The following CACNA1E variants were observed in gnomAD, a reference collection of about 807,000 sequenced individuals.
CACNA1E encodes voltage-dependent R-type calcium channel subunit alpha-1E.
CACNA1E carries 40 observed loss-of-function variants against 259.2 expected under a neutral mutation model. The observed-to-expected ratio is 0.15, with a 90% CI of 0.12 to 0.20. The LOEUF is 0.20. Among genes scored for constraint, CACNA1E ranks in the 10% least tolerant of loss-of-function variants. CACNA1E has a pLI of 1.00. For missense variants in CACNA1E, 1,874 were observed against 3,040.1 expected, an observed-to-expected ratio of 0.62 and a Z score of 9.02; for synonymous variants, 1,104 against 1,138.5, an observed-to-expected ratio of 0.97 and a Z score of 0.61.
At chr1:181,466,177 C>T (rs1006826555) in intron 2 of CACNA1E, among the ~76,000 whole-genome samples, 1 of 152,160 alleles carries the variant, frequency 6.6e-6, no homozygotes, top group Non-Finnish European at 1.5e-5. Context: ...TAGCTTAGCG[C>T]AGAATCTTAG....
intron 6 of CACNA1E, among the ~76,000 whole-genome samples, chr1:181,605,122 T>C (rs563294353): frequency 1.3e-5 from 2 of 152,268 alleles, no homozygotes; most frequent in South Asian, 4.1e-4. Context: ...TTTGAGTGTG[T>C]GCATGCATGC....
In CACNA1E at chr1:181,782,275, G is replaced by A. The variant is rs188047384; in HGVS notation, c.5364+752G>A. Among the ~76,000 whole-genome samples, 418 of 152,346 alleles carry A rather than the reference G, an allele frequency of 2.7e-3. 3 individuals are homozygous for A. Among genetic ancestry groups the A allele is most frequent in the African/African-American group, 9.6e-3 (399 of 41,580 alleles). On this transcript the variant is annotated intron_variant, in intron 39 of 47. Coordinates refer to ENST00000367573, the MANE Select transcript of CACNA1E (RefSeq NM_001205293.3). ...TATGGGGCCTGGCCCCAGAGTTATG[G>A]GTGGATTCCCCTATGGCTTGCTGTT...
At chr1:181,683,840 G>A (rs889565297) in intron 7 of CACNA1E, among the ~76,000 whole-genome samples, 3 of 152,164 alleles carry the variant, frequency 2.0e-5, no homozygotes, top group African/African-American at 7.2e-5. Context: ...GTCCACTGTT[G>A]ATGGGCATCT....
In CACNA1E at chr1:181,798,654, A is replaced by G. The variant is rs752545740; in HGVS notation, c.6762A>G (p.Ala2254=). The G allele has an allele frequency of 6.2e-7, 1 of 1,610,274 alleles. No individual in the cohort carries two copies. Among genetic ancestry groups the G allele is most frequent in the Non-Finnish European group, 8.5e-7 (1 of 1,177,464 alleles). ...CGEEETLTFE[A]AVATSLGRSN... ...AGGAGGAGACGCTCACTTTCGAAGCAGCCGTGGCTACTAGCCTGGGCCGTT... is the reference window on the plus strand; with the variant it reads ...AGGAGGAGACGCTCACTTTCGAAGCGGCCGTGGCTACTAGCCTGGGCCGTT... Residue 2254 remains alanine (A), a synonymous_variant, in exon 48 of 48, where the codon GCA becomes GCG. Coordinates refer to ENST00000367573, the MANE Select transcript of CACNA1E (RefSeq NM_001205293.3). The surrounding 1 kb of genome is among the most constrained non-coding windows in gnomAD (Gnocchi z 4.2).
chr1:181,686,283 T>TTTTTTTTTTTTTG (rs1650545064), intron 7 of CACNA1E, among the ~76,000 whole-genome samples: 58 of 122,770 alleles, frequency 4.7e-4, no homozygotes, highest in Non-Finnish European at 8.3e-4. Flanking sequence ...AAGTTTTTTT[T>TTTTTTTTTTTTTG]TTTTTTTTTT....
At chr1:181,767,258 G>A (rs1659098223) in intron 35 of CACNA1E, among the ~76,000 whole-genome samples, 2 of 152,020 alleles carry the variant, frequency 1.3e-5, no homozygotes, top group Admixed American at 1.3e-4. Flanking sequence ...ATTTATGCAG[G>A]TAGCCAGAGG....
intron 6 of CACNA1E, among the ~76,000 whole-genome samples, chr1:181,584,403 T>C (rs1651851644): frequency 6.6e-6 from 1 of 152,248 alleles, no homozygotes; most frequent in African/African-American, 2.4e-5. Flanking sequence ...AGGGGTTTTA[T>C]GGACTTCATT....
chr1:181,550,380 G>A (rs1647996310), intron 3 of CACNA1E, among the ~76,000 whole-genome samples: 1 of 152,150 alleles, frequency 6.6e-6, no homozygotes, highest in Admixed American at 6.5e-5. Context: ...GGACAGGTCT[G>A]TGTGGACACC....
At chr1:181,405,255 T>C (rs560578946) in intron 1 of CACNA1E, among the ~76,000 whole-genome samples, 2 of 152,360 alleles carry the variant, frequency 1.3e-5, no homozygotes, top group South Asian at 4.1e-4. Flanking sequence ...TCCCCAGTGC[T>C]ACTGGGATTG....
At chr1:181,465,430 C>T (rs1442694291) in intron 2 of CACNA1E, among the ~76,000 whole-genome samples, 1 of 152,104 alleles carries the variant, frequency 6.6e-6, no homozygotes, top group Non-Finnish European at 1.5e-5. Context: ...TCTGCAGTCT[C>T]TATGATCTCT....
At chr1:181,552,019 C>T (rs1352768145) in intron 3 of CACNA1E, among the ~76,000 whole-genome samples, 3 of 152,176 alleles carry the variant, frequency 2.0e-5, no homozygotes, top group African/African-American at 7.2e-5. Context: ...CCACTTGCCA[C>T]CCAACAAAAC....
chr1:181,764,169 TA>T (rs2102727461), intron 34 of CACNA1E, among the ~76,000 whole-genome samples: 1 of 152,254 alleles, frequency 6.6e-6, no homozygotes, highest in South Asian at 2.1e-4. Flanking sequence ...ATATGATAAA[TA>T]TAAGTAAAAA....
chr1:181,784,006 A>G (rs926858438), intron 40 of CACNA1E, among the ~76,000 whole-genome samples: 6 of 152,344 alleles, frequency 3.9e-5, no homozygotes, highest in African/African-American at 4.8e-5. Flanking sequence ...CTTTAAAAGT[A>G]TATGATCTTC....
At chr1:181,414,955 C>G (rs1299334009) in intron 2 of CACNA1E, among the ~76,000 whole-genome samples, 1 of 152,210 alleles carries the variant, frequency 6.6e-6, no homozygotes, top group African/African-American at 2.4e-5. Context: ...GGTTTGGAGA[C>G]TTGGGTCTAA....
chr1:181,733,412 GCT>G (rs749885524), intron 20 of CACNA1E, 23 bp from the exon 21 acceptor site: 40 of 1,487,252 alleles, frequency 2.7e-5, no homozygotes, highest in South Asian at 8.4e-5. Flanking sequence ...CTGAGCACCA[GCT>G]CTCTCTTCCT....
At chr1:181,504,696 T>C (rs1665559444) in intron 1 of CACNA1E, among the ~76,000 whole-genome samples, 1 of 152,196 alleles carries the variant, frequency 6.6e-6, no homozygotes, top group South Asian at 2.1e-4. Context: ...CTTTCTGTGC[T>C]TCAAGAAGGA....
At chr1:181,487,159 C>T (rs934519462) in intron 1 of CACNA1E, among the ~76,000 whole-genome samples, 2 of 152,118 alleles carry the variant, frequency 1.3e-5, no homozygotes, top group East Asian at 1.9e-4. Flanking sequence ...TTGAGACTTA[C>T]ACTTTCATTG....
intron 2 of CACNA1E, among the ~76,000 whole-genome samples, chr1:181,470,041 CAGAGAGAGAGAGTG>C (rs542725092): frequency 3.0e-4 from 46 of 150,824 alleles, no homozygotes; most frequent in African/African-American, 5.1e-4. Context: ...AAAAGATTTA[CAGAGAGAGAGAGTG>C]AGAGAGAGAG....
At chr1:181,454,484 G>C (rs190560822) in intron 2 of CACNA1E, among the ~76,000 whole-genome samples, 15 of 151,664 alleles carry the variant, frequency 9.9e-5, no homozygotes, top group African/African-American at 2.9e-4. Context: ...AGGCAAATCA[G>C]GGGGTGGCCC....
Sources: allele counts gnomAD v4.1 joint callset (sites outside exome capture counted in the v4.1 genomes callset), GRCh38; gene constraint gnomAD v4.1.1; non-coding constraint Gnocchi (gnomAD v3.1); transcripts MANE v1.5; gene names NCBI Gene and HGNC (gene_info 2026-07-23, HGNC 2026-07-21).